Variants in RASEF observed in about 807,000 individuals in gnomAD.
The protein encoded by RASEF is ras and EF-hand domain-containing protein.
In RASEF, 68 loss-of-function variants were observed where a neutral mutation model predicts 90.1. The ratio of observed to expected loss-of-function variants is 0.75; its 90% CI spans 0.62 to 0.92. The LOEUF (loss-of-function observed/expected upper bound fraction) is 0.92, where lower values mean the gene tolerates loss of function less well. RASEF is among the 40% of genes least tolerant of loss of function. RASEF has a pLI of 0.00. For missense variants in RASEF, 949 were observed against 937.2 expected (o/e 1.01, Z -0.16); for synonymous variants, 331 against 345.2 (o/e 0.96, Z 0.46).
the RASEF span, among the ~76,000 whole-genome samples, chr9:83,214,325 G>A: frequency 6.6e-6 from 1 of 152,098 alleles, no homozygotes; most frequent in Non-Finnish European, 1.5e-5. Flanking sequence ...GCAGAGGTTG[G>A]AATGAGTCAA....
At chr9:82,999,409 T>G (rs1828981668) in intron 12 of RASEF, among the ~76,000 whole-genome samples, 1 of 152,092 alleles carries the variant, frequency 6.6e-6, no homozygotes, top group African/African-American at 2.4e-5. Context: ...CTAAACTTCT[T>G]TTTTGTACCT....
chr9:83,143,016 T>C, the RASEF span, among the ~76,000 whole-genome samples: 25,133 of 152,144 alleles, frequency 0.17, 2,296 homozygotes, highest in Non-Finnish European at 0.21. Flanking sequence ...ATCTTTAATT[T>C]ATGCTGATTA....
chr9:83,106,930 G>A, the RASEF span, among the ~76,000 whole-genome samples: 2 of 152,084 alleles, frequency 1.3e-5, no homozygotes, highest in Non-Finnish European at 2.9e-5. Context: ...ACACGTGTCT[G>A]GCATAATCAG....
the RASEF span, among the ~76,000 whole-genome samples, chr9:83,172,412 T>C: frequency 2.6e-5 from 4 of 151,946 alleles, no homozygotes; most frequent in African/African-American, 9.6e-5. Context: ...ACTGTCATTT[T>C]GTTATTTTTT....
At chr9:83,148,550 C>T in the RASEF span, among the ~76,000 whole-genome samples, 1 of 152,258 alleles carries the variant, frequency 6.6e-6, no homozygotes, top group African/African-American at 2.4e-5. Flanking sequence ...TCTCACAGCC[C>T]TCAGAAGGAA....
chr9:83,003,771 G>A (rs1177146114), intron 9 of RASEF, among the ~76,000 whole-genome samples: 4 of 152,152 alleles, frequency 2.6e-5, no homozygotes, highest in African/African-American at 9.7e-5. Context: ...GGGGATGAAC[G>A]TGAATCTGAA....
intron 1 of RASEF, among the ~76,000 whole-genome samples, chr9:83,046,157 G>A (rs1829926355): frequency 6.6e-6 from 1 of 152,088 alleles, no homozygotes; most frequent in South Asian, 2.1e-4. Flanking sequence ...GTGTCATGAG[G>A]CTCTGTTATA....
the RASEF span, chr9:83,200,850 A>G: frequency 6.6e-6 from 1 of 152,258 alleles, no homozygotes; most frequent in African/African-American, 2.4e-5. Flanking sequence ...CAAGGAAACA[A>G]TGCTGCATTG....
At chr9:83,194,375 A>G in the RASEF span, among the ~76,000 whole-genome samples, 4 of 152,106 alleles carry the variant, frequency 2.6e-5, no homozygotes, top group Non-Finnish European at 1.5e-5. Context: ...TGCTTTCTGC[A>G]TGGTTACACT....
In RASEF at chr9:83,012,508, C is replaced by G; in HGVS notation, c.769G>C (p.Glu257Gln). Reference sequence around the variant, plus strand: ...TGACTTACGCGTTTTGATTGTTCTTCGAGCTGAAAGACCAAATAAAAGTTG... The same window carrying G: ...TGACTTACGCGTTTTGATTGTTCTTGGAGCTGAAAGACCAAATAAAAGTTG... ...QVTIKKLRKLEEQSKRVSQKE... is the reference protein window; with the variant it reads ...QVTIKKLRKLQEQSKRVSQKE... Residue 257 changes from glutamate (E) to glutamine (Q), a missense_variant, in exon 5 of 17, where the codon GAA becomes CAA. By Grantham distance (29) the Glu-to-Gln change is conservative. Transcript: ENST00000376447. 6.3e-7 allele frequency: 1 copy of G among 1,579,720 alleles called. No homozygotes were observed. The highest frequency in any genetic ancestry group is 8.6e-7 in the Non-Finnish European group (1 of 1,161,712).
chr9:83,156,639 C>G, the RASEF span, among the ~76,000 whole-genome samples: 1 of 152,202 alleles, frequency 6.6e-6, no homozygotes, highest in Non-Finnish European at 1.5e-5. Flanking sequence ...CTTTGACTAC[C>G]TTCACTTAAC....
chr9:83,021,245 T>C (rs1829439073), intron 3 of RASEF, among the ~76,000 whole-genome samples: 1 of 152,136 alleles, frequency 6.6e-6, no homozygotes, highest in African/African-American at 2.4e-5. Context: ...ATTTTAGAGA[T>C]GGAATAACAA....
the RASEF span, among the ~76,000 whole-genome samples, chr9:83,188,759 C>T: frequency 6.6e-6 from 1 of 152,100 alleles, no homozygotes; most frequent in Admixed American, 6.5e-5. Context: ...CGTTTGGAAA[C>T]CAAAATGAAA....
chr9:83,055,813 A>G, intron 1 of RASEF: 1 of 602,474 alleles, frequency 1.7e-6, no homozygotes, highest in Non-Finnish European at 3.0e-6. Context: ...AGATATATGT[A>G]AGGACCCCGA....
chr9:83,044,870 T>C (rs1038437721), intron 1 of RASEF, among the ~76,000 whole-genome samples: 2 of 152,132 alleles, frequency 1.3e-5, no homozygotes, highest in Non-Finnish European at 2.9e-5. Context: ...TTACCCTCCA[T>C]AATGTGGGTA....
intron 4 of RASEF, among the ~76,000 whole-genome samples, chr9:83,015,053 G>A (rs537161556): frequency 6.6e-6 from 1 of 152,290 alleles, no homozygotes; most frequent in South Asian, 2.1e-4. Context: ...TCAAAAACTA[G>A]TGACTCTTGG....
chr9:83,150,231 C>A, the RASEF span, among the ~76,000 whole-genome samples: 4 of 152,078 alleles, frequency 2.6e-5, no homozygotes, highest in Non-Finnish European at 5.9e-5. Context: ...CAGGTGCCAC[C>A]CTCCAAATCC....
At chr9:83,136,201 T>C in the RASEF span, among the ~76,000 whole-genome samples, 1 of 152,112 alleles carries the variant, frequency 6.6e-6, no homozygotes, top group Admixed American at 6.6e-5. Flanking sequence ...ACTTATAGAA[T>C]TCTTTATAGT....
chr9:82,990,755 G>A (rs7036791), intron 15 of RASEF, among the ~76,000 whole-genome samples: 225 of 152,222 alleles, frequency 1.5e-3, no homozygotes, highest in African/African-American at 5.3e-3. Context: ...GCTACCAAAT[G>A]TTCTTTATCA....
Sources: gnomAD v4.1 joint callset for allele counts (sites outside exome capture counted in the v4.1 genomes callset) on GRCh38, gnomAD v4.1.1 for gene constraint, MANE v1.5 for transcripts, NCBI Gene and HGNC (gene_info 2026-07-23, HGNC 2026-07-21) for gene names.